The following ANXA8 variants were observed in gnomAD, a reference collection of about 807,000 sequenced individuals.
The protein encoded by ANXA8 is annexin A8.
In ANXA8, 9 loss-of-function variants were observed where a neutral mutation model predicts 26.8. The ratio of observed to expected loss-of-function variants is 0.34; its 90% CI spans 0.20 to 0.59. The LOEUF (loss-of-function observed/expected upper bound fraction) is 0.59. ANXA8 is among the 20% of genes least tolerant of loss of function. The pLI, the probability that ANXA8 is intolerant of heterozygous loss-of-function variation, is 0.84. For missense variants in ANXA8, 83 were observed against 238.5 expected (o/e 0.35, Z 4.29); for synonymous variants, 39 against 94.8 (o/e 0.41, Z 3.42).
At chr10:47,960,077 C>T in the ANXA8 span, among the ~76,000 whole-genome samples, 2 of 148,744 alleles carry the variant, frequency 1.3e-5, no homozygotes, top group African/African-American at 5.1e-5. Flanking sequence ...AGACCCCACA[C>T]AACAACTGCC....
chr10:47,776,631 G>C, the ANXA8 span, among the ~76,000 whole-genome samples: 4 of 151,954 alleles, frequency 2.6e-5, no homozygotes, highest in Non-Finnish European at 5.9e-5. Flanking sequence ...TCTAAGTGGG[G>C]TACACACTTA....
chr10:47,549,935 T>C, the ANXA8 span, among the ~76,000 whole-genome samples: 129 of 145,506 alleles, frequency 8.9e-4, 3 homozygotes, highest in African/African-American at 3.2e-3. Flanking sequence ...GGAAATCCCA[T>C]CTCTACAAAA....
chr10:47,530,158 A>G, the ANXA8 span, among the ~76,000 whole-genome samples: 1 of 139,470 alleles, frequency 7.2e-6, no homozygotes, highest in Non-Finnish European at 1.5e-5. Flanking sequence ...AGGTAACTCC[A>G]TTTATCCTGT....
At chr10:47,668,794 C>G in the ANXA8 span, among the ~76,000 whole-genome samples, 1 of 151,666 alleles carries the variant, frequency 6.6e-6, no homozygotes, top group Non-Finnish European at 1.5e-5. Context: ...TGCAGTTATG[C>G]CTCTAAAAGC....
the ANXA8 span, among the ~76,000 whole-genome samples, chr10:47,666,120 T>C: frequency 6.7e-6 from 1 of 149,530 alleles, no homozygotes; most frequent in Non-Finnish European, 1.5e-5. Flanking sequence ...AATTCTTTAC[T>C]AGTTGTTTTT....
chr10:47,686,727 C>A, the ANXA8 span, among the ~76,000 whole-genome samples: 4 of 151,866 alleles, frequency 2.6e-5, no homozygotes, highest in East Asian at 5.8e-4. Context: ...GTCAAAAAAG[C>A]GGAATGTTTC....
the ANXA8 span, among the ~76,000 whole-genome samples, chr10:47,778,899 TTA>T: frequency 6.9e-6 from 1 of 145,652 alleles, no homozygotes; most frequent in East Asian, 2.0e-4. Context: ...TCTGCCTACA[TTA>T]TGATATGATA....
At chr10:47,557,775 T>C in the ANXA8 span, among the ~76,000 whole-genome samples, 1 of 143,166 alleles carries the variant, frequency 7.0e-6, no homozygotes, top group African/African-American at 2.6e-5. Context: ...AATGATTAAT[T>C]ATAAAAAAAA....
At chr10:47,522,447 T>A in the ANXA8 span, among the ~76,000 whole-genome samples, 1 of 150,514 alleles carries the variant, frequency 6.6e-6, no homozygotes. Flanking sequence ...GCCCCGGCTG[T>A]GACATTTTAT....
the ANXA8 span, among the ~76,000 whole-genome samples, chr10:47,573,537 T>C: frequency 7.7e-6 from 1 of 129,656 alleles, no homozygotes; most frequent in Non-Finnish European, 1.6e-5. Flanking sequence ...CATTTGTACA[T>C]TGGGAGAAAA....
intron 1 of ANXA8, 103 bp downstream of exon 1, chr10:47,483,810 G>T (rs1839945023): frequency 1.9e-6 from 3 of 1,610,180 alleles, no homozygotes; most frequent in Non-Finnish European, 2.5e-6. Flanking sequence ...AATGTAGACT[G>T]AGCCACTCCC....
the ANXA8 span, among the ~76,000 whole-genome samples, chr10:47,968,608 C>T: frequency 2.6e-3 from 373 of 140,990 alleles, no homozygotes; most frequent in African/African-American, 8.8e-3. Flanking sequence ...GTTTCCAGAA[C>T]CACTTCGACC....
At chr10:47,686,267 G>C in the ANXA8 span, among the ~76,000 whole-genome samples, 2 of 146,860 alleles carry the variant, frequency 1.4e-5, no homozygotes, top group South Asian at 4.3e-4. Context: ...CACCCAGACT[G>C]GAGTGCAGTG....
the ANXA8 span, chr10:47,691,327 T>C: frequency 2.0e-5 from 16 of 804,970 alleles, 1 homozygote; most frequent in Admixed American, 2.3e-4. Flanking sequence ...CTTTCTTTAG[T>C]CATTTGCCTC....
the ANXA8 span, among the ~76,000 whole-genome samples, chr10:47,560,799 A>C: frequency 7.2e-5 from 11 of 152,010 alleles, no homozygotes; most frequent in African/African-American, 2.7e-4. Flanking sequence ...TTTGAAAAGC[A>C]CATTTTAGTG....
At chr10:47,470,510 T>C (rs1839303468) in intron 11 of ANXA8, among the ~76,000 whole-genome samples, 1 of 103,904 alleles carries the variant, frequency 9.6e-6, no homozygotes, top group Non-Finnish European at 1.9e-5. Context: ...CAATCCTCTC[T>C]TGCCCCTGCC....
the ANXA8 span, among the ~76,000 whole-genome samples, chr10:47,576,770 T>G: frequency 6.6e-6 from 1 of 150,482 alleles, no homozygotes; most frequent in African/African-American, 2.5e-5. Flanking sequence ...TCCTCCCACC[T>G]CAGCCTCCCA....
At chr10:47,988,851 T>C in the ANXA8 span, among the ~76,000 whole-genome samples, 3 of 151,758 alleles carry the variant, frequency 2.0e-5, no homozygotes, top group African/African-American at 7.3e-5. Flanking sequence ...TATTCAAAAA[T>C]ATTTGTTGAA....
the ANXA8 span, among the ~76,000 whole-genome samples, chr10:47,558,538 TGTGTG>T: frequency 5.8e-5 from 8 of 138,386 alleles, no homozygotes; most frequent in Non-Finnish European, 1.2e-4. Flanking sequence ...GATGTGTGTG[TGTGTG>T]TGTGTGTGTG....
Sources: allele counts gnomAD v4.1 joint callset (sites outside exome capture counted in the v4.1 genomes callset), GRCh38; gene constraint gnomAD v4.1.1; transcripts MANE v1.5; gene names NCBI Gene and HGNC (gene_info 2026-07-23, HGNC 2026-07-21).